The following IGFBP7 variants were observed in gnomAD, a reference collection of about 807,000 sequenced individuals.
IGFBP7 encodes the protein insulin-like growth factor-binding protein 7.
IGFBP7 carries 31 observed loss-of-function variants against 29.4 expected under a neutral mutation model. That is an observed-to-expected ratio of 1.05 (90% CI 0.79 to 1.42). The LOEUF (loss-of-function observed/expected upper bound fraction) is 1.42, where lower values mean the gene tolerates loss of function less well. IGFBP7 is among the 40% of genes most tolerant of loss of function. IGFBP7 has a pLI of 0.00. For synonymous variants in IGFBP7, 172 were observed against 174.9 expected (o/e 0.98, Z 0.13); for missense variants, 393 against 395.5 (o/e 0.99, Z 0.05).
chr4:57,056,810 C>A (rs1724685051), intron 1 of IGFBP7, among the ~76,000 whole-genome samples: 1 of 152,232 alleles, frequency 6.6e-6, no homozygotes, highest in Non-Finnish European at 1.5e-5. Context: ...TGGAAATACT[C>A]TTTTCTGCTC....
chr4:57,052,079 A>G (rs1713973), intron 1 of IGFBP7, among the ~76,000 whole-genome samples: 137,124 of 152,054 alleles, frequency 0.9, 61,946 homozygotes, highest in South Asian at 0.95. Flanking sequence ...GTCATGATTC[A>G]AGTGGCATTT....
At chr4:57,099,727 C>T (rs1460813870) in intron 1 of IGFBP7, among the ~76,000 whole-genome samples, 7 of 152,148 alleles carry the variant, frequency 4.6e-5, no homozygotes, top group African/African-American at 1.4e-4. Context: ...AAAGGTTGGG[C>T]TCTAAGGTTT....
chr4:57,079,764 C>T (rs1487677663), intron 1 of IGFBP7, among the ~76,000 whole-genome samples: 1 of 152,200 alleles, frequency 6.6e-6, no homozygotes, highest in Non-Finnish European at 1.5e-5. Flanking sequence ...CTATCACTCT[C>T]ATGCTATTTG....
chr4:57,104,787 C>T (rs192040200), intron 1 of IGFBP7, among the ~76,000 whole-genome samples: 72 of 152,188 alleles, frequency 4.7e-4, no homozygotes, highest in South Asian at 1.9e-3. Flanking sequence ...TATTAGAGTT[C>T]AGGATTGCTG....
intron 1 of IGFBP7, among the ~76,000 whole-genome samples, chr4:57,090,709 G>T (rs1017756696): frequency 1.3e-5 from 2 of 151,978 alleles, no homozygotes; most frequent in Non-Finnish European, 2.9e-5. Flanking sequence ...ATAGCCAGGT[G>T]TGGTGGTGCA....
At chr4:57,035,034 C>G (rs561585432) in intron 2 of IGFBP7, among the ~76,000 whole-genome samples, 55 of 152,234 alleles carry the variant, frequency 3.6e-4, no homozygotes, top group African/African-American at 1.0e-3. Context: ...GATCCAAGGT[C>G]TCAAGTAATA....
At chr4:57,038,976 G>A (rs1241358264) in intron 2 of IGFBP7, among the ~76,000 whole-genome samples, 1 of 145,934 alleles carries the variant, frequency 6.9e-6, no homozygotes, top group Non-Finnish European at 1.5e-5. Context: ...TGAGGCAGAA[G>A]AATCACTTGA....
chr4:57,076,941 C>T (rs1725240645), intron 1 of IGFBP7, among the ~76,000 whole-genome samples: 1 of 152,172 alleles, frequency 6.6e-6, no homozygotes, highest in South Asian at 2.1e-4. Context: ...TCATCTTACT[C>T]ATAATTTCAA....
chr4:57,087,671 G>A (rs1725530139), intron 1 of IGFBP7, among the ~76,000 whole-genome samples: 1 of 152,242 alleles, frequency 6.6e-6, no homozygotes. Flanking sequence ...AGTTGGTAAA[G>A]TCAGAGGGAA....
chr4:57,097,868 G>A (rs1725797502), intron 1 of IGFBP7, among the ~76,000 whole-genome samples: 3 of 152,058 alleles, frequency 2.0e-5, no homozygotes, highest in South Asian at 2.1e-4. Context: ...TGGGTGACCC[G>A]GCACTAAGAG....
At chr4:57,091,478 C>G (rs1414197727) in intron 1 of IGFBP7, among the ~76,000 whole-genome samples, 2 of 152,190 alleles carry the variant, frequency 1.3e-5, no homozygotes, top group African/African-American at 4.8e-5. Flanking sequence ...TGCTTGGACA[C>G]TCAAACACAC....
At chr4:57,079,491 C>A (rs192022301) in intron 1 of IGFBP7, among the ~76,000 whole-genome samples, 1 of 152,286 alleles carries the variant, frequency 6.6e-6, no homozygotes, top group Non-Finnish European at 1.5e-5. Context: ...GGTAGACAGA[C>A]TTTAAAAAGT....
intron 1 of IGFBP7, among the ~76,000 whole-genome samples, chr4:57,094,153 G>C (rs561368548): frequency 6.6e-6 from 1 of 152,230 alleles, no homozygotes; most frequent in Admixed American, 6.5e-5. Context: ...TCTTTCTCCT[G>C]GGGCAAATTT....
chr4:57,072,809 G>C (rs1725087420), intron 1 of IGFBP7: 1 of 560,798 alleles, frequency 1.8e-6, no homozygotes, highest in Non-Finnish European at 3.5e-6. Context: ...AGCTGGCACA[G>C]CATATGAAGA....
At chr4:57,055,056 C>T (rs1370276845) in intron 1 of IGFBP7, among the ~76,000 whole-genome samples, 1 of 152,156 alleles carries the variant, frequency 6.6e-6, no homozygotes, top group African/African-American at 2.4e-5. Flanking sequence ...ATAGGGTGAC[C>T]CTCTTAGACC....
intron 1 of IGFBP7, among the ~76,000 whole-genome samples, chr4:57,076,571 T>C (rs771562198): frequency 2.6e-4 from 39 of 152,230 alleles, no homozygotes; most frequent in Non-Finnish European, 4.7e-4. Context: ...TCCGACAGTC[T>C]TGCAGCACTG....
chr4:57,044,504 G>C (rs1724311629), intron 1 of IGFBP7, among the ~76,000 whole-genome samples: 3 of 152,082 alleles, frequency 2.0e-5, no homozygotes, highest in Admixed American at 2.0e-4. Flanking sequence ...TTAAGTTTTT[G>C]CTCCATCTTG....
At chr4:57,069,867 G>T (rs912287987) in intron 1 of IGFBP7, among the ~76,000 whole-genome samples, 3 of 152,166 alleles carry the variant, frequency 2.0e-5, no homozygotes, top group Admixed American at 2.0e-4. Flanking sequence ...TGAATCACTT[G>T]AGGTCAGCAG....
intron 2 of IGFBP7, among the ~76,000 whole-genome samples, chr4:57,035,166 A>G (rs971027532): frequency 2.0e-5 from 3 of 152,206 alleles, no homozygotes; most frequent in Non-Finnish European, 2.9e-5. Context: ...CAAATCCCAT[A>G]GCTCTTAGTA....
Sources: allele counts gnomAD v4.1 joint callset (sites outside exome capture counted in the v4.1 genomes callset), GRCh38; gene constraint gnomAD v4.1.1; transcripts MANE v1.5; gene names NCBI Gene and HGNC (gene_info 2026-07-23, HGNC 2026-07-21).